The following TESK2 variants were observed in gnomAD, a reference collection of about 807,000 sequenced individuals.
TESK2 encodes the protein testis associated actin remodelling kinase 2, also known as dual specificity testis-specific protein kinase 2.
A neutral mutation model predicts 57.1 loss-of-function variants in TESK2; 39 were observed. That is an observed-to-expected ratio of 0.68 (90% CI 0.53 to 0.89). TESK2 has a LOEUF of 0.89. TESK2 is among the 40% of genes least tolerant of loss of function. The pLI, the probability that TESK2 is intolerant of heterozygous loss-of-function variation, is 0.00. For missense variants in TESK2, 646 were observed against 732.1 expected (o/e 0.88, Z 1.36); for synonymous variants, 249 against 267.9 (o/e 0.93, Z 0.69).
chr1:45,434,659 T>C (rs1309123936), intron 2 of TESK2, among the ~76,000 whole-genome samples: 4 of 152,170 alleles, frequency 2.6e-5, no homozygotes, highest in African/African-American at 9.6e-5. Context: ...TTTGCCCATT[T>C]TTAAATGGGA....
At chr1:45,448,062 C>A (rs1570741069) in intron 2 of TESK2, among the ~76,000 whole-genome samples, 1 of 145,740 alleles carries the variant, frequency 6.9e-6, no homozygotes. Context: ...TGGTAGAGAC[C>A]TTGTGTCTAC....
At chr1:45,345,701 A>G (rs1647132385) in intron 10 of TESK2, 143 bp from the exon 11 acceptor site, 1 of 940,566 alleles carries the variant, frequency 1.1e-6, no homozygotes, top group Non-Finnish European at 1.6e-6. Context: ...CAGAGAGGGG[A>G]AGCAGTATGC....
At chr1:45,347,714 G>A (rs1199503490) in intron 6 of TESK2, 21 bp from the exon 7 acceptor site, 13 of 1,612,876 alleles carry the variant, frequency 8.1e-6, no homozygotes, top group Non-Finnish European at 1.0e-5. Flanking sequence ...AGATTATACA[G>A]AAAATGAGCT....
chr1:45,347,060 T>G lies in TESK2; in HGVS notation c.711A>C (p.Ala237=). The change falls in exon 8 of 11, where the codon GCA becomes GCC. Residue 237 remains alanine (A), a splice_region_variant and synonymous_variant. Transcript: ENST00000372086. ...GGATGATACCATAAGAGAACACATC[T>G]GCCTGGTGGGTAGTCGGACTTTGGT... The part of the protein sequence containing the change: ...VLRDEPYNEK[A]DVFSYGIILC... 6.2e-7 allele frequency: 1 copy of G among 1,614,198 alleles called. No homozygotes were observed. Among genetic ancestry groups the G allele is most frequent in the Middle Eastern group, 1.7e-4 (1 of 6,060 alleles).
intron 4 of TESK2, among the ~76,000 whole-genome samples, chr1:45,366,385 C>A (rs771469719): frequency 1.2e-4 from 19 of 152,122 alleles, no homozygotes; most frequent in South Asian, 4.1e-4. Context: ...CCACGGCCAG[C>A]CACTTATTCA....
chr1:45,382,411 G>A (rs1420269562), intron 4 of TESK2, among the ~76,000 whole-genome samples: 1 of 152,000 alleles, frequency 6.6e-6, no homozygotes, highest in East Asian at 1.9e-4. Context: ...ACTAATTTTT[G>A]TATTTTTTGT....
At chr1:45,363,117 A>C (rs747680792) in intron 4 of TESK2, among the ~76,000 whole-genome samples, 2 of 152,184 alleles carry the variant, frequency 1.3e-5, no homozygotes, top group African/African-American at 4.8e-5. Flanking sequence ...GGCAAGGAGT[A>C]ATTAAAGAGA....
At chr1:45,371,902 G>A (rs1434749258) in intron 4 of TESK2, among the ~76,000 whole-genome samples, 1 of 151,788 alleles carries the variant, frequency 6.6e-6, no homozygotes, top group Non-Finnish European at 1.5e-5. Context: ...GTTACCAGGA[G>A]CTGGGAAGAG....
intron 1 of TESK2, among the ~76,000 whole-genome samples, chr1:45,482,049 C>T (rs1653248261): frequency 6.6e-6 from 1 of 152,216 alleles, no homozygotes; most frequent in South Asian, 2.1e-4. Context: ...TGCTAATCGT[C>T]TCCACGTGAG....
At chr1:45,483,467 G>A (rs183239322) in intron 1 of TESK2, among the ~76,000 whole-genome samples, 20 of 150,898 alleles carry the variant, frequency 1.3e-4, no homozygotes, top group Middle Eastern at 3.5e-3. Flanking sequence ...GCATGGTGGC[G>A]CACACCTGTA....
At position 45,355,490 on chromosome 1, in the gene TESK2, A is replaced by G. The variant is rs753921429; in HGVS notation, c.394-41T>C. On this transcript the variant is annotated intron_variant, in intron 4 of 10. Transcript: ENST00000372086. ...AAAACCCAGCTACCATTTATCAGAA[A>G]TATTTAGGCTAGTGGTGAAACCATT... 6 of 1,585,900 alleles carry G rather than the reference A, an allele frequency of 3.8e-6. No homozygotes were observed. The South Asian group carries it at 6.9e-5, about 18-fold the overall frequency.
chr1:45,392,982 C>T (rs932197863), intron 3 of TESK2, among the ~76,000 whole-genome samples: 25 of 152,188 alleles, frequency 1.6e-4, no homozygotes, highest in Non-Finnish European at 2.9e-5. Flanking sequence ...ACAATGTAAA[C>T]TCGTGTTACA....
intron 3 of TESK2, among the ~76,000 whole-genome samples, chr1:45,412,929 A>C (rs562926718): frequency 1.5e-4 from 23 of 152,244 alleles, no homozygotes; most frequent in South Asian, 1.5e-3. Flanking sequence ...CTGAGGTGGG[A>C]GGATTGCTTG....
At chr1:45,458,037 C>T (rs1308458113) in intron 1 of TESK2, among the ~76,000 whole-genome samples, 166 bp from the exon 2 acceptor site, 2 of 152,152 alleles carry the variant, frequency 1.3e-5, no homozygotes, top group African/African-American at 4.8e-5. Context: ...ATATTTAAAG[C>T]CCAAGATATA....
At chr1:45,356,683 G>A (rs1237318720) in intron 4 of TESK2, among the ~76,000 whole-genome samples, 1 of 151,680 alleles carries the variant, frequency 6.6e-6, no homozygotes, top group East Asian at 1.9e-4. Flanking sequence ...AGGTACAGGT[G>A]CTTATTGGAC....
intron 2 of TESK2, among the ~76,000 whole-genome samples, chr1:45,451,296 C>A (rs970188807): frequency 3.3e-5 from 5 of 152,192 alleles, no homozygotes; most frequent in Admixed American, 3.3e-4. Context: ...TTCCTGTGCC[C>A]TTTTCATGCT....
intron 3 of TESK2, among the ~76,000 whole-genome samples, chr1:45,394,182 C>T (rs1224087614): frequency 1.3e-5 from 2 of 151,882 alleles, no homozygotes; most frequent in Non-Finnish European, 2.9e-5. Flanking sequence ...GCTCTGTCGC[C>T]CAGTCTGGAG....
intron 1 of TESK2, among the ~76,000 whole-genome samples, chr1:45,486,782 T>TACACATACACAC (rs1653494122): frequency 8.6e-6 from 1 of 115,868 alleles, no homozygotes. Context: ...CCTCCCAGCA[T>TACACATACACAC]ACACACACAC....
intron 5 of TESK2, among the ~76,000 whole-genome samples, chr1:45,348,615 T>A (rs555066953): frequency 6.6e-6 from 1 of 152,380 alleles, no homozygotes; most frequent in East Asian, 1.9e-4. Context: ...AAGCTTGACT[T>A]ACCAAACCTG....
Sources: gnomAD v4.1 joint callset for allele counts (sites outside exome capture counted in the v4.1 genomes callset) on GRCh38, gnomAD v4.1.1 for gene constraint, MANE v1.5 for transcripts, NCBI Gene and HGNC (gene_info 2026-07-23, HGNC 2026-07-21) for gene names.